ACACB: variants seen among roughly 807,000 people sequenced by gnomAD.
The protein encoded by ACACB is acetyl-CoA carboxylase beta, also known as acetyl-CoA carboxylase 2.
ACACB carries 209 observed loss-of-function variants against 278.8 expected under a neutral mutation model. That is an observed-to-expected ratio of 0.75 (90% CI 0.67 to 0.84). ACACB has a LOEUF of 0.84. Among genes scored for constraint, ACACB ranks in the 40% least tolerant of loss-of-function variants. The probability of loss-of-function intolerance (pLI) is 0.00; values close to 1 mark genes in which losing one functional copy is unlikely to be tolerated. For missense variants in ACACB, 2,850 were observed against 3,269.0 expected, an observed-to-expected ratio of 0.87 and a Z score of 3.13; for synonymous variants, 1,174 against 1,285.6, an observed-to-expected ratio of 0.91 and a Z score of 1.86.
chr12:109,160,445 G>A (rs1050864510), intron 2 of ACACB, among the ~76,000 whole-genome samples: 5 of 152,192 alleles, frequency 3.3e-5, no homozygotes, highest in Non-Finnish European at 5.9e-5. Flanking sequence ...GTGGGCAGCC[G>A]AGAATGTTTA....
intron 27 of ACACB, among the ~76,000 whole-genome samples, chr12:109,225,823 T>C (rs2046298442): frequency 6.6e-6 from 1 of 152,236 alleles, no homozygotes; most frequent in Admixed American, 6.5e-5. Flanking sequence ...ATTCCAAAGA[T>C]GTAGTACTGT....
Position 109,199,146 on chromosome 12 carries a change from C to T in ACACB, c.2628-256C>T, listed in dbSNP as rs374427460. Among the ~76,000 whole-genome samples the T allele has an allele frequency of 3.4e-4, 51 of 151,310 alleles. No homozygotes were observed. In the Middle Eastern group the frequency reaches 0.014, roughly 40 times the overall value. On this transcript the variant is annotated intron_variant, in intron 17 of 52. Transcript: ENST00000338432. ...CGGAGCTTGCAGTGAGCCGAGATCG[C>T]GCCACTGCACTCCAGCCTGGGCAAC...
intron 6 of ACACB, among the ~76,000 whole-genome samples, chr12:109,173,442 G>A (rs2044182158): frequency 6.6e-6 from 1 of 152,154 alleles, no homozygotes; most frequent in Non-Finnish European, 1.5e-5. Context: ...TTCACCTGAG[G>A]TACAGCCGGG....
intron 3 of ACACB, 35 bp from the exon 4 acceptor site, chr12:109,167,861 T>G: frequency 6.2e-7 from 1 of 1,613,432 alleles, no homozygotes; most frequent in Non-Finnish European, 8.5e-7. Context: ...CAGGTAGATG[T>G]GCATCTACAG....
chr12:109,222,365 G>T, intron 24 of ACACB, 142 bp from the exon 25 acceptor site: 1 of 686,836 alleles, frequency 1.5e-6, no homozygotes, highest in Non-Finnish European at 2.6e-6. Flanking sequence ...GTGAGGGTTT[G>T]CATAACAGGC....
chr12:109,167,965 A>T lies in ACACB; in HGVS notation c.856A>T (p.Met286Leu). 2 of 1,613,770 alleles carry T rather than the reference A, an allele frequency of 1.2e-6. No individual in the cohort carries two copies. Among genetic ancestry groups the T allele is most frequent in the Non-Finnish European group, 1.7e-6 (2 of 1,179,938 alleles). ...MRSIRRWAYE[M>L]FRNERAIRFV... The stretch of plus-strand genomic sequence containing the variant: ...CTCCATCCGCAGGTGGGCCTATGAG[A>T]TGTTCCGCAACGAGCGGGCCATCCG... The change falls in exon 4 of 53, where the codon ATG becomes TTG. Residue 286 changes from methionine to leucine, a missense_variant. Met to Leu is a conservative substitution (Grantham distance 15). Coordinates refer to ENST00000338432, the MANE Select transcript of ACACB (RefSeq NM_001093.4).
chr12:109,221,738 A>G (rs1452181641), intron 24 of ACACB, among the ~76,000 whole-genome samples: 2 of 152,108 alleles, frequency 1.3e-5, no homozygotes, highest in Non-Finnish European at 2.9e-5. Flanking sequence ...TGCCTCTTTG[A>G]GCCTCAGTGT....
chr12:109,183,807 C>T (rs1033658601), intron 11 of ACACB, among the ~76,000 whole-genome samples: 1 of 151,716 alleles, frequency 6.6e-6, no homozygotes, highest in African/African-American at 2.4e-5. Context: ...TTCTTCCTTC[C>T]TTCCTTCTTT....
At chr12:109,154,328 C>T (rs2043458130) in intron 2 of ACACB, among the ~76,000 whole-genome samples, 1 of 152,196 alleles carries the variant, frequency 6.6e-6, no homozygotes, top group African/African-American at 2.4e-5. Context: ...AAATAAAAGT[C>T]GACTTGACAA....
chr12:109,143,855 T>A (rs1238520044), intron 2 of ACACB, among the ~76,000 whole-genome samples: 1 of 152,102 alleles, frequency 6.6e-6, no homozygotes, highest in East Asian at 1.9e-4. Context: ...CCAAACCTGG[T>A]GTTCCAGCCT....
chr12:109,212,057 G>A (rs574392652), intron 21 of ACACB, among the ~76,000 whole-genome samples: 281 of 152,350 alleles, frequency 1.8e-3, no homozygotes, highest in Non-Finnish European at 2.9e-3. Context: ...GATATGTGCG[G>A]AATGGTATAA....
intron 4 of ACACB, among the ~76,000 whole-genome samples, chr12:109,170,683 G>T (rs776882324): frequency 1.4e-4 from 21 of 152,162 alleles, no homozygotes; most frequent in Non-Finnish European, 2.2e-4. Flanking sequence ...TGAGTATAGA[G>T]CTTCAGATTC....
rs529684071 is a variant in ACACB, at chr12:109,232,614, G to A, written c.4002-55G>A. Reference sequence around the variant, plus strand: ...GAAGCTTCAGGAGTAGGAGCAGCTCGTAGAGTTGGGTCTGCAAGCAGCTGC... The same window carrying A: ...GAAGCTTCAGGAGTAGGAGCAGCTCATAGAGTTGGGTCTGCAAGCAGCTGC... On this transcript the variant is annotated intron_variant, in intron 28 of 52. Transcript: ENST00000338432. The A allele has an allele frequency of 4.8e-5, 77 of 1,589,044 alleles. 1 individual carries two copies. The highest frequency in any genetic ancestry group is 1.0e-4 in the South Asian group (9 of 87,896).
At chr12:109,188,231 T>C (rs1301166550) in intron 13 of ACACB, 69 bp downstream of exon 13, 5 of 793,934 alleles carry the variant, frequency 6.3e-6, no homozygotes, top group South Asian at 4.2e-5. Flanking sequence ...CCTTCCTTCC[T>C]TCCCTCTCTC....
Position 109,176,271 on chromosome 12 carries a change from G to A in ACACB, c.1437+8G>A. ...CCGATCCTTTTCAGACAAGTGAGCA[G>A]TTCTTGCTGTGTCTTTTCGCATCTG... On this transcript the variant is annotated splice_region_variant and intron_variant, in intron 9 of 52. Coordinates refer to ENST00000338432, the MANE Select transcript of ACACB (RefSeq NM_001093.4). 2.5e-6 allele frequency: 4 copies of A among 1,610,104 alleles called. No individual in the cohort carries two copies. The highest frequency in any genetic ancestry group is 3.4e-6 in the Non-Finnish European group (4 of 1,176,302).
chr12:109,250,705 GGTA>G (rs899489709), intron 41 of ACACB, among the ~76,000 whole-genome samples: 10 of 152,160 alleles, frequency 6.6e-5, no homozygotes, highest in Admixed American at 3.3e-4. Flanking sequence ...TAGTGGTGGT[GGTA>G]GTAGTAGTAG....
At chr12:109,210,523 GTA>G (rs924555627) in intron 21 of ACACB, among the ~76,000 whole-genome samples, 6 of 147,214 alleles carry the variant, frequency 4.1e-5, no homozygotes, top group African/African-American at 1.0e-4. Flanking sequence ...ACATACATGT[GTA>G]TATGTGTATA....
intron 4 of ACACB, among the ~76,000 whole-genome samples, chr12:109,169,793 T>A (rs2044049599): frequency 6.6e-6 from 1 of 152,124 alleles, no homozygotes; most frequent in Non-Finnish European, 1.5e-5. Flanking sequence ...TTCTCCAACA[T>A]AAAAGAAAAA....
At chr12:109,257,406 C>T (rs996670767) in intron 45 of ACACB, among the ~76,000 whole-genome samples, 2 of 151,836 alleles carry the variant, frequency 1.3e-5, no homozygotes, top group African/African-American at 4.8e-5. Flanking sequence ...ATAGGGTAAA[C>T]GAGAACCATG....
Sources: gnomAD v4.1 joint callset for allele counts (sites outside exome capture counted in the v4.1 genomes callset) on GRCh38, gnomAD v4.1.1 for gene constraint, MANE v1.5 for transcripts, NCBI Gene and HGNC (gene_info 2026-07-23, HGNC 2026-07-21) for gene names.